The following PDE11A variants were observed in gnomAD, a reference collection of about 807,000 sequenced individuals.
PDE11A encodes the protein dual 3',5'-cyclic-AMP and -GMP phosphodiesterase 11A.
A neutral mutation model predicts 100.5 loss-of-function variants in PDE11A; 100 were observed. That is an observed-to-expected ratio of 1.00 (90% CI 0.85 to 1.18). PDE11A has a LOEUF of 1.18. PDE11A is among the 50% of genes most tolerant of loss of function. The probability of loss-of-function intolerance (pLI) is 0.00; values close to 1 mark genes in which losing one functional copy is unlikely to be tolerated. For missense variants in PDE11A, 1,141 were observed against 1,152.6 expected (o/e 0.99, Z 0.15); for synonymous variants, 381 against 420.8 (o/e 0.91, Z 1.16).
chr2:177,985,781 CAAAAAGTGGGA>C (rs1474874618), intron 2 of PDE11A, among the ~76,000 whole-genome samples: 1 of 152,108 alleles, frequency 6.6e-6, no homozygotes, highest in Non-Finnish European at 1.5e-5. Flanking sequence ...AGTACAAAGA[CAAAAAGTGGGA>C]TTGCAAGAGT....
intron 1 of PDE11A, among the ~76,000 whole-genome samples, chr2:178,105,911 AT>A (rs2087612310): frequency 6.6e-6 from 1 of 151,964 alleles, no homozygotes; most frequent in African/African-American, 2.4e-5. Context: ...TCTGGGTTCT[AT>A]TTTTCTGTTT....
chr2:178,012,475 T>G (rs1363360299), intron 2 of PDE11A, among the ~76,000 whole-genome samples: 1 of 152,188 alleles, frequency 6.6e-6, no homozygotes, highest in Non-Finnish European at 1.5e-5. Context: ...GTGAATAGTA[T>G]AGTTGACAGA....
At chr2:177,785,226 C>T (rs1243505155) in intron 9 of PDE11A, among the ~76,000 whole-genome samples, 1 of 152,096 alleles carries the variant, frequency 6.6e-6, no homozygotes. Context: ...CTGGCCAGAG[C>T]AAGTTACAGC....
At chr2:177,911,122 G>A (rs1347742629) in intron 2 of PDE11A, among the ~76,000 whole-genome samples, 1 of 152,198 alleles carries the variant, frequency 6.6e-6, no homozygotes. Flanking sequence ...GTAACTATAT[G>A]ATAAAGCTTC....
intron 1 of PDE11A, chr2:178,018,369 T>TTTGTCACACTTGACTTTAAC (rs1553501008): frequency 2.7e-6 from 1 of 372,400 alleles, no homozygotes; most frequent in Admixed American, 2.6e-5. Flanking sequence ...AGGCAGGCCT[T>TTTGTCACACTTGACTTTAAC]TTGGCACACT....
chr2:177,744,874 T>A (rs1159228202), intron 10 of PDE11A, among the ~76,000 whole-genome samples: 1 of 152,206 alleles, frequency 6.6e-6, no homozygotes, highest in Non-Finnish European at 1.5e-5. Context: ...CTTGTTTTAT[T>A]CCTTCTGCCA....
intron 10 of PDE11A, among the ~76,000 whole-genome samples, chr2:177,733,349 A>G (rs2081721838): frequency 6.6e-6 from 1 of 152,238 alleles, no homozygotes; most frequent in Non-Finnish European, 1.5e-5. Flanking sequence ...AATTTGAATA[A>G]TGTTCAAGAA....
At chr2:177,964,356 T>C (rs971374882) in intron 2 of PDE11A, among the ~76,000 whole-genome samples, 2 of 152,234 alleles carry the variant, frequency 1.3e-5, no homozygotes, top group African/African-American at 4.8e-5. Flanking sequence ...ATTATGTATT[T>C]ACTACTTAAC....
chr2:177,898,076 TAGGAGTAAAACAGAAC>T lies in PDE11A; in HGVS notation c.1268_1283del (p.Cys423Ter), dbSNP rs780915299. 6.2e-7 allele frequency: 1 copy of T among 1,612,708 alleles called. No homozygotes were observed. Among genetic ancestry groups the T allele is most frequent in the Non-Finnish European group, 8.5e-7 (1 of 1,178,730 alleles). On this transcript the variant is annotated frameshift_variant, in exon 4 of 20. Transcript: ENST00000286063. LOFTEE classifies it high-confidence loss of function. Reference sequence around the variant, plus strand: ...AACTTACTGGTGATTCGATGTCCTCTAGGAGTAAAACAGAACAGCGTTCACATTTCAGCAGAGTTTG... The same window carrying T: ...AACTTACTGGTGATTCGATGTCCTCTAGCGTTCACATTTCAGCAGAGTTTG...
chr2:177,718,106 G>A (rs2081469914), intron 12 of PDE11A, among the ~76,000 whole-genome samples: 2 of 152,206 alleles, frequency 1.3e-5, no homozygotes, highest in East Asian at 3.8e-4. Context: ...AGAGGCCTGG[G>A]ATAATGTCAA....
At chr2:178,098,455 T>C (rs902200661) in intron 2 of PDE11A, among the ~76,000 whole-genome samples, 1 of 152,156 alleles carries the variant, frequency 6.6e-6, no homozygotes, top group African/African-American at 2.4e-5. Context: ...AATAACAACA[T>C]ACATAAGTGG....
chr2:177,889,072 G>A (rs115234627), intron 4 of PDE11A, among the ~76,000 whole-genome samples: 3,227 of 152,154 alleles, frequency 0.021, 57 homozygotes, highest in Non-Finnish European at 0.03. Context: ...TACTTTTCAG[G>A]AAGGGCTTCT....
At chr2:177,818,962 T>C (rs992277796) in intron 7 of PDE11A, among the ~76,000 whole-genome samples, 15 of 151,810 alleles carry the variant, frequency 9.9e-5, no homozygotes, top group African/African-American at 3.6e-4. Context: ...GACATATATA[T>C]ATAAATAATG....
At chr2:177,747,697 A>G (rs1217184456) in intron 10 of PDE11A, among the ~76,000 whole-genome samples, 2 of 152,168 alleles carry the variant, frequency 1.3e-5, no homozygotes, top group African/African-American at 2.4e-5. Context: ...TTGGGTTCTC[A>G]GGCAACATAT....
intron 12 of PDE11A, among the ~76,000 whole-genome samples, chr2:177,722,582 A>G (rs544914814): frequency 2.0e-5 from 3 of 152,334 alleles, no homozygotes; most frequent in Admixed American, 6.5e-5. Context: ...CAGAGAGAAG[A>G]AAAATAGAAA....
At chr2:177,855,001 C>T (rs1035779363) in intron 5 of PDE11A, among the ~76,000 whole-genome samples, 15 of 152,070 alleles carry the variant, frequency 9.9e-5, no homozygotes, top group African/African-American at 3.1e-4. Flanking sequence ...CATTCCAAGA[C>T]GACAGGTCGT....
At chr2:177,655,166 C>A (rs1326954625) in intron 19 of PDE11A, among the ~76,000 whole-genome samples, 1 of 152,058 alleles carries the variant, frequency 6.6e-6, no homozygotes, top group African/African-American at 2.4e-5. Flanking sequence ...TGGATTCCAG[C>A]ATTTTAATAT....
chr2:177,722,247 A>G (rs765853227), intron 12 of PDE11A, among the ~76,000 whole-genome samples: 1 of 152,194 alleles, frequency 6.6e-6, no homozygotes, highest in Non-Finnish European at 1.5e-5. Flanking sequence ...AACGTCGGAC[A>G]TGATTATGTT....
chr2:177,782,456 C>A (rs2082467521), intron 9 of PDE11A, among the ~76,000 whole-genome samples: 1 of 152,244 alleles, frequency 6.6e-6, no homozygotes. Context: ...CAGGTGTCAA[C>A]TGAAGCTTCC....
Sources: allele counts gnomAD v4.1 joint callset (sites outside exome capture counted in the v4.1 genomes callset), GRCh38; gene constraint gnomAD v4.1.1; transcripts MANE v1.5; gene names NCBI Gene and HGNC (gene_info 2026-07-23, HGNC 2026-07-21).